PXMP2: variants seen among roughly 807,000 people sequenced by gnomAD.
PXMP2 encodes 22 kDa peroxisomal membrane protein.
A neutral mutation model predicts 20.2 loss-of-function variants in PXMP2; 13 were observed. The observed-to-expected ratio is 0.64, with a 90% CI of 0.42 to 1.02. The LOEUF (loss-of-function observed/expected upper bound fraction) is 1.02, where lower values mean the gene tolerates loss of function less well. PXMP2 is among the 50% of genes least tolerant of loss of function. PXMP2 has a pLI of 0.00. For synonymous variants in PXMP2, 113 were observed against 111.2 expected, an observed-to-expected ratio of 1.02 and a Z score of -0.10; for missense variants, 284 against 251.8, an observed-to-expected ratio of 1.13 and a Z score of -0.87.
rs956754588 is a variant in PXMP2, at chr12:132,696,395, C to G, written c.399+349C>G. On this transcript the variant is annotated intron_variant, in intron 3 of 4. Transcript: ENST00000317479. The surrounding 1 kb of genome is among the most constrained non-coding windows in gnomAD (Gnocchi z 4.4). ...GGGACCACATGTGCGTGCCACCACA[C>G]CCAGCTAATCAGATATTTTTATATC... Among the ~76,000 whole-genome samples the G allele has an allele frequency of 6.6e-6, 1 of 152,130 alleles. No individual in the cohort carries two copies. Among genetic ancestry groups the G allele is most frequent in the Non-Finnish European group, 1.5e-5 (1 of 68,028 alleles).
intron 4 of PXMP2, among the ~76,000 whole-genome samples, chr12:132,703,064 A>G (rs1479118683): frequency 1.3e-5 from 2 of 152,210 alleles, no homozygotes; most frequent in Non-Finnish European, 2.9e-5. Flanking sequence ...TTTCAGCTCT[A>G]TGGGGCTGAA....
chr12:132,701,552 C>T, intron 4 of PXMP2, 183 bp downstream of exon 4: 3 of 836,836 alleles, frequency 3.6e-6, no homozygotes, highest in Non-Finnish European at 5.3e-6. Flanking sequence ...TTGGATTTTG[C>T]CCATGACCCT....
intron 4 of PXMP2, among the ~76,000 whole-genome samples, chr12:132,703,246 A>C (rs1046463914): frequency 2.0e-5 from 3 of 152,214 alleles, no homozygotes; most frequent in Admixed American, 2.0e-4. Flanking sequence ...CAGTCTGGGC[A>C]ACATAGTGAG....
chr12:132,693,603 G>C (rs1199662433), intron 2 of PXMP2, among the ~76,000 whole-genome samples: 1 of 77,910 alleles, frequency 1.3e-5, no homozygotes, highest in African/African-American at 4.4e-5. Flanking sequence ...TTGCCAGTTA[G>C]TTAGTGAGCG....
chr12:132,691,496 C>T (rs1351999997), intron 2 of PXMP2, among the ~76,000 whole-genome samples: 1 of 152,206 alleles, frequency 6.6e-6, no homozygotes, highest in Admixed American at 6.5e-5. Context: ...TCTCGGCCAA[C>T]AGTAATGTGA....
At chr12:132,703,501 G>A (rs1038625507) in intron 4 of PXMP2, among the ~76,000 whole-genome samples, 6 of 152,170 alleles carry the variant, frequency 3.9e-5, no homozygotes, top group Admixed American at 3.3e-4. Context: ...TTGGACAGAG[G>A]CCCTGCCCTC....
intron 4 of PXMP2, among the ~76,000 whole-genome samples, chr12:132,703,351 C>T (rs2136069541): frequency 6.6e-6 from 1 of 152,174 alleles, no homozygotes; most frequent in South Asian, 2.1e-4. Flanking sequence ...GGTTCTGACA[C>T]TCAGAGATGC....
chr12:132,702,453 C>T (rs2043448070), intron 4 of PXMP2: 1 of 399,448 alleles, frequency 2.5e-6, no homozygotes, highest in Non-Finnish European at 5.1e-6. Flanking sequence ...ACCACTCCCA[C>T]ACTGGGAGGA....
intron 4 of PXMP2, among the ~76,000 whole-genome samples, chr12:132,702,173 C>G (rs1278217671): frequency 6.6e-6 from 1 of 152,260 alleles, no homozygotes; most frequent in African/African-American, 2.4e-5. Context: ...AAGGCAGGCA[C>G]TGTGCGGCCA....
At chr12:132,694,702 A>G in intron 2 of PXMP2, among the ~76,000 whole-genome samples, 1 of 121,990 alleles carries the variant, frequency 8.2e-6, no homozygotes, top group Non-Finnish European at 1.7e-5. Context: ...CCAGTTAGTG[A>G]GCTCCCTTGC....
At chr12:132,698,257 G>A (rs1180194585) in intron 3 of PXMP2, among the ~76,000 whole-genome samples, 3 of 152,064 alleles carry the variant, frequency 2.0e-5, no homozygotes, top group Admixed American at 6.6e-5. Context: ...TGATCCACCC[G>A]CCTCGGTCTC....
Position 132,689,578 on chromosome 12 carries a change from G to GT in PXMP2, c.123-684dup, listed in dbSNP as rs774421237. On this transcript the variant is annotated intron_variant, in intron 1 of 4. Transcript: ENST00000317479. ...AATCGCCAGGGATCTGATCGAGAAG[G>GT]TGTCTAGGTCCGTGCTAGGAATTTT... Among the ~76,000 whole-genome samples, 187 of 152,316 alleles carry GT rather than the reference G, an allele frequency of 1.2e-3. 2 individuals are homozygous for GT. The highest frequency in any genetic ancestry group is 1.4e-3 in the Non-Finnish European group (98 of 68,026).
intron 3 of PXMP2, among the ~76,000 whole-genome samples, chr12:132,700,989 G>A (rs1262188964): frequency 6.6e-6 from 1 of 152,114 alleles, no homozygotes; most frequent in Admixed American, 6.6e-5. Flanking sequence ...ACCTCCTCCA[G>A]TTGTCCGCAA....
chr12:132,694,732 C>A (rs1311091771), intron 2 of PXMP2, among the ~76,000 whole-genome samples: 1 of 111,388 alleles, frequency 9.0e-6, no homozygotes, highest in African/African-American at 3.1e-5. Context: ...AGCTCCCTTG[C>A]CAGTTAGTTA....
At chr12:132,701,192 G>T in intron 3 of PXMP2, 58 bp from the exon 4 acceptor site, 1 of 1,606,026 alleles carries the variant, frequency 6.2e-7, no homozygotes. Context: ...CTGGGTGCCC[G>T]GAATTCAGTT....
intron 4 of PXMP2, among the ~76,000 whole-genome samples, chr12:132,704,064 C>G (rs1053180892): frequency 6.6e-6 from 1 of 152,168 alleles, no homozygotes; most frequent in Non-Finnish European, 1.5e-5. Flanking sequence ...CGCCATGCTG[C>G]TAGACTCGGA....
Position 132,701,299 on chromosome 12 carries a change from C to A in PXMP2, c.449C>A (p.Pro150Gln). 6.2e-7 allele frequency: 1 copy of A among 1,612,712 alleles called. No individual in the cohort carries two copies. The highest frequency in any genetic ancestry group is 8.5e-7 in the Non-Finnish European group (1 of 1,179,626). The stretch of plus-strand genomic sequence containing the variant: ...GCCAAGATGAGGGGGGGCTTCTGGC[C>A]GGCGCTGAGGATGAACTGGCGGGTG... Reference protein sequence around the residue: ...FAAKMRGGFWPALRMNWRVWT... With the variant: ...FAAKMRGGFWQALRMNWRVWT... Residue 150 changes from proline (P) to glutamine (Q), a missense_variant, in exon 4 of 5, where the codon CCG becomes CAG. Coordinates refer to ENST00000317479, the MANE Select transcript of PXMP2 (RefSeq NM_018663.3).
rs562043426 is a variant in PXMP2, at chr12:132,701,888, G to A, written c.519+519G>A. 1.4e-4 allele frequency among the ~76,000 whole-genome samples: 21 copies of A among 152,218 alleles called. No individual in the cohort carries two copies. The East Asian group carries it at 3.1e-3, about 22-fold the overall frequency. On this transcript the variant is annotated intron_variant, in intron 4 of 4. Transcript: ENST00000317479. The stretch of plus-strand genomic sequence containing the variant: ...GCAAATCACTTGAAGCCAGGAGTTC[G>A]AGACCAGCCTGGCCAACATAGCGAA...
chr12:132,702,874 G>A (rs906189993), intron 4 of PXMP2, among the ~76,000 whole-genome samples: 17 of 152,224 alleles, frequency 1.1e-4, no homozygotes, highest in Admixed American at 9.2e-4. Context: ...CGAGGGAGAG[G>A]AGGGAGGCGG....
Sources: gnomAD v4.1 joint callset for allele counts (sites outside exome capture counted in the v4.1 genomes callset) on GRCh38, gnomAD v4.1.1 for gene constraint, Gnocchi (gnomAD v3.1) non-coding constraint, MANE v1.5 for transcripts, NCBI Gene and HGNC (gene_info 2026-07-23, HGNC 2026-07-21) for gene names.